Variants in VWF observed in about 807,000 individuals in gnomAD.
VWF encodes von Willebrand factor.
VWF carries 176 observed loss-of-function variants against 308.6 expected under a neutral mutation model. That is an observed-to-expected ratio of 0.57 (90% CI 0.50 to 0.65). The LOEUF is 0.65. VWF is among the 30% of genes least tolerant of loss of function. The probability of loss-of-function intolerance (pLI) is 0.00; values close to 1 mark genes in which losing one functional copy is unlikely to be tolerated. For missense variants in VWF, 3,146 were observed against 3,648.2 expected (o/e 0.86, Z 3.55); for synonymous variants, 1,385 against 1,443.4 (o/e 0.96, Z 0.92).
chr12:5,969,893 G>A (rs899442408), intron 44 of VWF, among the ~76,000 whole-genome samples: 13 of 152,244 alleles, frequency 8.5e-5, no homozygotes, highest in African/African-American at 2.4e-4. Context: ...TTGTCACCAC[G>A]GGCAAGAAGC....
At chr12:6,035,320 T>C (rs893182327) in intron 19 of VWF, among the ~76,000 whole-genome samples, 4 of 152,326 alleles carry the variant, frequency 2.6e-5, no homozygotes, top group Middle Eastern at 6.8e-3. Flanking sequence ...CAGTCCTGTG[T>C]GCATAGCTAC....
chr12:6,064,383 C>G lies in VWF; in HGVS notation c.1295G>C (p.Cys432Ser). The change falls in exon 12 of 52, where the codon TGT becomes TCT. Residue 432 changes from cysteine to serine, a missense_variant and splice_region_variant. Physicochemically the swap from Cys to Ser is moderately radical, Grantham distance 112. Around this residue, in one of 3 missense-constraint regions of VWF, gnomAD observed 1,304 missense variants for 1,353.0 expected, o/e 0.96. Coordinates refer to ENST00000261405, the MANE Select transcript of VWF (RefSeq NM_000552.5). ...GCACACAGCGTCGCGGTCATCAGCACACTGCCAAGAGGGAACACAGGGTGA... is the reference window on the plus strand; with the variant it reads ...GCACACAGCGTCGCGGTCATCAGCAGACTGCCAAGAGGGAACACAGGGTGA... Reference protein sequence around the residue: ...SFSIVIETVQCADDRDAVCTR... With the variant: ...SFSIVIETVQSADDRDAVCTR... The G allele has an allele frequency of 6.2e-7, 1 of 1,614,100 alleles. No individual in the cohort carries two copies. The highest frequency in any genetic ancestry group is 1.6e-4 in the Middle Eastern group (1 of 6,062).
intron 43 of VWF, among the ~76,000 whole-genome samples, chr12:5,971,975 G>A (rs779613292): frequency 1.3e-5 from 2 of 152,206 alleles, no homozygotes; most frequent in Non-Finnish European, 2.9e-5. Context: ...CCAGTCCATA[G>A]GAGCATTAAA....
intron 20 of VWF, among the ~76,000 whole-genome samples, chr12:6,032,850 G>A (rs1944284654): frequency 2.1e-5 from 3 of 144,236 alleles, no homozygotes; most frequent in South Asian, 2.3e-4. Context: ...ATACACAGAT[G>A]CACACACATA....
At position 6,052,674 on chromosome 12, in the gene VWF, C is replaced by T. The variant is rs753318543; in HGVS notation, c.2055G>A (p.Glu685=). 3 of 1,614,242 alleles carry T rather than the reference C, an allele frequency of 1.9e-6. No homozygotes were observed. The East Asian group carries it at 6.7e-5, about 36-fold the overall frequency. The change falls in exon 16 of 52, where the codon GAG becomes GAA. Residue 685 remains glutamate (E), a synonymous_variant. Coordinates refer to ENST00000261405, the MANE Select transcript of VWF (RefSeq NM_000552.5). ...AGAGCCCTGGGGGGCAGAAGCAGCCCTCCAGGCAGGCCTCATTGCATTCCT... is the reference window on the plus strand; with the variant it reads ...AGAGCCCTGGGGGGCAGAAGCAGCCTTCCAGGCAGGCCTCATTGCATTCCT... The part of the protein sequence containing the change: ...PDEECNEACL[E]GCFCPPGLYM...
chr12:6,115,855 G>A (rs1479051667), intron 3 of VWF, among the ~76,000 whole-genome samples: 1 of 152,154 alleles, frequency 6.6e-6, no homozygotes, highest in Non-Finnish European at 1.5e-5. Flanking sequence ...ATGTCCTCAG[G>A]GGGAAAACCA....
Position 6,018,788 on chromosome 12 carries a change from A to G in VWF, c.4630T>C (p.Tyr1544His). ...SIHVTVLQYSYMVTVEYPFSE... is the reference protein window; with the variant it reads ...SIHVTVLQYSHMVTVEYPFSE... ...AAGGGGTACTCCACAGTCACCATGT[A>G]GGAGTACTGCAGCACCGTGACGTGG... Residue 1544 changes from tyrosine to histidine, a missense_variant, in exon 28 of 52, where the codon TAC (tyrosine) becomes CAC (histidine). Around this residue, in one of 3 missense-constraint regions of VWF, gnomAD observed 853 missense variants for 1,177.8 expected, o/e 0.72. Transcript: ENST00000261405. 1 of 1,613,624 alleles carries G rather than the reference A, an allele frequency of 6.2e-7. No individual in the cohort carries two copies. Among genetic ancestry groups the G allele is most frequent in the Non-Finnish European group, 8.5e-7 (1 of 1,179,790 alleles).
intron 22 of VWF, among the ~76,000 whole-genome samples, chr12:6,027,712 G>C (rs568317252): frequency 6.6e-6 from 1 of 152,276 alleles, no homozygotes; most frequent in East Asian, 1.9e-4. Context: ...GAGCCTCTAA[G>C]ATGAATGCAG....
Position 6,056,927 on chromosome 12 carries a change from G to T in VWF, c.1875C>A (p.Ala625=). The T allele has an allele frequency of 6.5e-7, 1 of 1,533,770 alleles. No individual in the cohort carries two copies. Among genetic ancestry groups the T allele is most frequent in the African/African-American group, 1.4e-5 (1 of 72,780 alleles). ...CGCAGGCCGCGGCATAGCTGGCCAGGGCGCCGCACAGGCACTCGCGGCCGT... is the reference window on the plus strand; with the variant it reads ...CGCAGGCCGCGGCATAGCTGGCCAGTGCGCCGCACAGGCACTCGCGGCCGT... The part of the protein sequence containing the change: ...CSDGRECLCG[A]LASYAAACAG... The change falls in exon 15 of 52, where the codon GCC becomes GCA. Residue 625 remains alanine, a synonymous_variant. Transcript: ENST00000261405.
intron 31 of VWF, 90 bp downstream of exon 31, chr12:6,015,999 C>T: frequency 6.4e-7 from 1 of 1,553,862 alleles, no homozygotes; most frequent in Non-Finnish European, 8.8e-7. Flanking sequence ...TCAGCCACAA[C>T]ATCCAAAAGT....
intron 47 of VWF, among the ~76,000 whole-genome samples, chr12:5,958,848 GT>G (rs1395207330): frequency 1.3e-5 from 2 of 152,106 alleles, no homozygotes; most frequent in Non-Finnish European, 2.9e-5. Flanking sequence ...GTAATTCTTA[GT>G]TTGTTATCTT....
At chr12:6,068,888 C>CT (rs1944752435) in intron 10 of VWF, among the ~76,000 whole-genome samples, 1 of 136,134 alleles carries the variant, frequency 7.3e-6, no homozygotes, top group African/African-American at 2.9e-5. Context: ...GATAGGATCT[C>CT]TGTCACCCAG....
In VWF at chr12:6,075,511, A is replaced by G; in HGVS notation, c.698T>C (p.Val233Ala). The change falls in exon 7 of 52, where the codon GTG becomes GCG. Residue 233 changes from valine to alanine, a missense_variant. Val to Ala is a moderately conservative substitution (Grantham distance 64, BLOSUM62 0). Around this residue, in one of 3 missense-constraint regions of VWF, gnomAD observed 1,304 missense variants for 1,353.0 expected, o/e 0.96. Transcript: ENST00000261405. The surrounding 1 kb of genome is among the most constrained non-coding windows in gnomAD (Gnocchi z 4.7). ...CACCAGAGGGTGGCAGCGGGCAAAC[A>G]CCGAGGTGCTCTTCAGAAGCTGGCA... ...EQCQLLKSTSVFARCHPLVDP... is the reference protein window; with the variant it reads ...EQCQLLKSTSAFARCHPLVDP... The G allele has an allele frequency of 6.2e-7, 1 of 1,614,150 alleles. No individual in the cohort carries two copies. The highest frequency in any genetic ancestry group is 1.7e-5 in the Admixed American group (1 of 60,028).
In VWF at chr12:6,075,016, T is replaced by C. The variant is rs1477289506; in HGVS notation, c.874+319A>G. Among the ~76,000 whole-genome samples the C allele has an allele frequency of 6.7e-6, 1 of 148,474 alleles. No homozygotes were observed. The highest frequency in any genetic ancestry group is 2.5e-5 in the African/African-American group (1 of 39,954). ...TGAAGACAAAAACCAAAACCGCAACTGCCAAGATCTTGGTGGGAAGCAGAG... is the reference window on the plus strand; with the variant it reads ...TGAAGACAAAAACCAAAACCGCAACCGCCAAGATCTTGGTGGGAAGCAGAG... On this transcript the variant is annotated intron_variant, in intron 7 of 51. Transcript: ENST00000261405. This position sits in a 1 kb window ranked among gnomAD's most constrained non-coding sequence, Gnocchi z 4.7.
rs1943533430 is a variant in VWF at position 5,976,317 on chromosome 12, G to A, written c.7288-57C>T. On this transcript the variant is annotated intron_variant, in intron 42 of 51. Transcript: ENST00000261405. ...TTTGTTTCATTGAAACAAGCGGTGA[G>A]TTAGCACCTACTACACAGAAGCCGC... 2.5e-6 allele frequency: 4 copies of A among 1,610,286 alleles called. No homozygotes were observed. In the East Asian group the frequency reaches 8.9e-5, roughly 36 times the overall value.
chr12:6,025,483 C>T (rs1381641289), intron 24 of VWF, 97 bp downstream of exon 24: 13 of 979,504 alleles, frequency 1.3e-5, no homozygotes, highest in African/African-American at 6.4e-5. Flanking sequence ...TGTCAAGACA[C>T]GAGGGTAGTG....
intron 16 of VWF, among the ~76,000 whole-genome samples, chr12:6,047,392 G>A (rs903283118): frequency 1.3e-5 from 2 of 152,044 alleles, no homozygotes; most frequent in Non-Finnish European, 2.9e-5. Flanking sequence ...ATGATCCCCC[G>A]ACCAAAGCCA....
intron 6 of VWF, among the ~76,000 whole-genome samples, chr12:6,089,116 T>C (rs1324620371): frequency 1.3e-5 from 2 of 152,130 alleles, no homozygotes; most frequent in Non-Finnish European, 2.9e-5. Flanking sequence ...CAGACACTCA[T>C]AAATGATGCG....
At position 6,021,986 on chromosome 12, in the gene VWF, A is replaced by C. The variant is rs761144403; in HGVS notation, c.3588T>G (p.Cys1196Trp). 1 of 1,614,176 alleles carries C rather than the reference A, an allele frequency of 6.2e-7. No homozygotes were observed. Among genetic ancestry groups the C allele is most frequent in the Admixed American group, 1.7e-5 (1 of 60,024 alleles). ...GCCGGCCAGCCACCTCACACACTGGACAGTCTTCAGGGTCAACGCAGGTCT... is the reference window on the plus strand; with the variant it reads ...GCCGGCCAGCCACCTCACACACTGGCCAGTCTTCAGGGTCAACGCAGGTCT... ...LLQTCVDPED[C>W]PVCEVAGRRF... The change falls in exon 27 of 52, where the codon TGT (cysteine) becomes TGG (tryptophan). Residue 1196 changes from cysteine (C) to tryptophan (W), a missense_variant. Physicochemically the swap from Cys to Trp is radical, Grantham distance 215. Transcript: ENST00000261405.
Sources: allele counts gnomAD v4.1 joint callset (sites outside exome capture counted in the v4.1 genomes callset), GRCh38; gene constraint gnomAD v4.1.1; regional missense constraint gnomAD v4.1.1; non-coding constraint Gnocchi (gnomAD v3.1); transcripts MANE v1.5; gene names NCBI Gene and HGNC (gene_info 2026-07-23, HGNC 2026-07-21).